Variants in POFUT3 observed in about 807,000 individuals in gnomAD.
The protein encoded by POFUT3 is GDP-fucose protein O-fucosyltransferase 3.
the POFUT3 span, among the ~76,000 whole-genome samples, chr8:33,319,677 T>C: frequency 2.2e-5 from 2 of 92,458 alleles, no homozygotes; most frequent in Non-Finnish European, 3.7e-5. Flanking sequence ...TATATATATT[T>C]ATATATTATA....
the POFUT3 span, among the ~76,000 whole-genome samples, chr8:33,354,368 G>A: frequency 6.6e-6 from 1 of 152,138 alleles, no homozygotes; most frequent in Non-Finnish European, 1.5e-5. Flanking sequence ...CCAAGAACCA[G>A]AGGAGCTGAT....
At chr8:33,387,902 G>A in the POFUT3 span, among the ~76,000 whole-genome samples, 6,636 of 152,270 alleles carry the variant, frequency 0.044, 464 homozygotes, top group African/African-American at 0.15. Context: ...CTATGAGTGG[G>A]CCACCTCATT....
the POFUT3 span, among the ~76,000 whole-genome samples, chr8:33,404,270 G>A: frequency 4.0e-5 from 6 of 151,648 alleles, no homozygotes; most frequent in South Asian, 2.1e-4. Flanking sequence ...CCCGGGAAGC[G>A]GAGGCTGCAG....
chr8:33,316,407 T>C, the POFUT3 span, among the ~76,000 whole-genome samples: 4 of 151,446 alleles, frequency 2.6e-5, no homozygotes, highest in Admixed American at 2.6e-4. Flanking sequence ...GTCTAGTGGG[T>C]TTTGAAAACC....
chr8:33,403,971 A>G, the POFUT3 span, among the ~76,000 whole-genome samples: 161 of 152,252 alleles, frequency 1.1e-3, 1 homozygote, highest in African/African-American at 3.8e-3. Context: ...AAGCTGTGGC[A>G]GGACACATCT....
chr8:33,378,271 G>A, the POFUT3 span, among the ~76,000 whole-genome samples: 2 of 152,188 alleles, frequency 1.3e-5, no homozygotes, highest in African/African-American at 4.8e-5. Flanking sequence ...GCCACTGCGG[G>A]AGCAGTAGCA....
the POFUT3 span, chr8:33,389,064 G>A: frequency 5.5e-5 from 89 of 1,613,970 alleles, no homozygotes; most frequent in Admixed American, 2.8e-4. Context: ...CCCCATTTCC[G>A]TTCCCTGAGA....
At chr8:33,471,942 C>T in the POFUT3 span, among the ~76,000 whole-genome samples, 2 of 152,154 alleles carry the variant, frequency 1.3e-5, no homozygotes, top group Admixed American at 6.6e-5. Flanking sequence ...ACGGAGACTA[C>T]GGTGCTGCTA....
the POFUT3 span, among the ~76,000 whole-genome samples, chr8:33,419,742 T>C: frequency 3.9e-5 from 6 of 152,328 alleles, no homozygotes; most frequent in Admixed American, 2.0e-4. Flanking sequence ...TGCAGAACAA[T>C]GTTTTCTGGG....
the POFUT3 span, among the ~76,000 whole-genome samples, chr8:33,429,497 GT>G: frequency 6.6e-6 from 1 of 152,088 alleles, no homozygotes; most frequent in South Asian, 2.1e-4. Flanking sequence ...GAATAATACA[GT>G]ATAAAATAGA....
chr8:33,469,899 G>A, the POFUT3 span, among the ~76,000 whole-genome samples: 3 of 146,588 alleles, frequency 2.0e-5, no homozygotes, highest in South Asian at 4.5e-4. Flanking sequence ...GAGTTCAGGC[G>A]ATTCTCCTGC....
the POFUT3 span, among the ~76,000 whole-genome samples, chr8:33,412,384 C>A: frequency 6.6e-6 from 1 of 152,282 alleles, no homozygotes; most frequent in Non-Finnish European, 1.5e-5. Context: ...CCATTCAACT[C>A]ATTCTTCAAC....
At chr8:33,331,066 G>A in the POFUT3 span, among the ~76,000 whole-genome samples, 3 of 152,060 alleles carry the variant, frequency 2.0e-5, no homozygotes, top group Non-Finnish European at 4.4e-5. Context: ...GTAGGGCTGG[G>A]CATGGGCTCA....
At chr8:33,444,452 G>C in the POFUT3 span, among the ~76,000 whole-genome samples, 1 of 152,082 alleles carries the variant, frequency 6.6e-6, no homozygotes, top group African/African-American at 2.4e-5. Context: ...CTAGGGACTT[G>C]AATGAGGTGG....
At chr8:33,389,652 T>C in the POFUT3 span, 33 of 1,614,062 alleles carry the variant, frequency 2.0e-5, no homozygotes, top group Non-Finnish European at 2.8e-5. Context: ...TGGGAATGCC[T>C]GCTGAACGTG....
chr8:33,383,809 C>T, the POFUT3 span, among the ~76,000 whole-genome samples: 2 of 151,674 alleles, frequency 1.3e-5, no homozygotes, highest in South Asian at 4.2e-4. Context: ...AAAACAACTG[C>T]CCCCTCAGAC....
chr8:33,357,631 T>C, the POFUT3 span, among the ~76,000 whole-genome samples: 1 of 152,084 alleles, frequency 6.6e-6, no homozygotes, highest in African/African-American at 2.4e-5. Context: ...CTATTCCTTT[T>C]CCTCCTATTT....
the POFUT3 span, among the ~76,000 whole-genome samples, chr8:33,381,976 AT>A: frequency 6.6e-6 from 1 of 152,076 alleles, no homozygotes; most frequent in Admixed American, 6.6e-5. Context: ...CTTCAATACA[AT>A]TTTTTTCAAC....
the POFUT3 span, chr8:33,461,640 C>T: frequency 6.6e-7 from 1 of 1,525,316 alleles, no homozygotes; most frequent in South Asian, 1.2e-5. Context: ...TCTGGCTTGG[C>T]ATCGAGAGGA....
Sources: gnomAD v4.1 joint callset for allele counts (sites outside exome capture counted in the v4.1 genomes callset) on GRCh38, gnomAD v4.1.1 for gene constraint, MANE v1.5 for transcripts, NCBI Gene and HGNC (gene_info 2026-07-23, HGNC 2026-07-21) for gene names.